ZNF678: variants seen among roughly 807,000 people sequenced by gnomAD.
The protein encoded by ZNF678 is hypothetical protein MGC42493.
A neutral mutation model predicts 3.0 loss-of-function variants in ZNF678; 5 were observed. The ratio of observed to expected loss-of-function variants is 1.69; its 90% CI spans 0.88 to 3.56. The LOEUF is 3.56. ZNF678 is among the 30% of genes most tolerant of loss of function. The probability of loss-of-function intolerance (pLI) is 0.00; values close to 1 mark genes in which losing one functional copy is unlikely to be tolerated. For missense variants in ZNF678, 593 were observed against 605.0 expected, an observed-to-expected ratio of 0.98 and a Z score of 0.21; for synonymous variants, 218 against 199.6, an observed-to-expected ratio of 1.09 and a Z score of -0.78.
intron 1 of ZNF678, among the ~76,000 whole-genome samples, chr1:227,579,585 T>C (rs560753332): frequency 4.6e-5 from 7 of 152,152 alleles, no homozygotes; most frequent in Admixed American, 3.3e-4. Context: ...TGGGGGAAGC[T>C]GCAGTATGGG....
At chr1:227,578,795 G>A (rs1031877015) in intron 1 of ZNF678, among the ~76,000 whole-genome samples, 8 of 152,188 alleles carry the variant, frequency 5.3e-5, no homozygotes, top group African/African-American at 1.7e-4. Flanking sequence ...TGACACAGCC[G>A]TTTGGAGGAA....
At position 227,621,662 on chromosome 1, in the gene ZNF678, G is replaced by A. The variant is rs560347584; in HGVS notation, c.-163-24882G>A. On this transcript the variant is annotated intron_variant, in intron 1 of 3. Transcript: ENST00000343776. The stretch of plus-strand genomic sequence containing the variant: ...TGAGTGTGCCTTTTACTAAAAAAAT[G>A]ATAGGCATTCAAAGGCATTTAGCAA... Among the ~76,000 whole-genome samples the A allele has an allele frequency of 1.3e-5, 2 of 152,300 alleles. 1 individual carries two copies. The highest frequency in any genetic ancestry group is 4.1e-4 in the South Asian group (2 of 4,822).
At chr1:227,640,276 A>C (rs964296225) in intron 1 of ZNF678, among the ~76,000 whole-genome samples, 1 of 152,042 alleles carries the variant, frequency 6.6e-6, no homozygotes, top group African/African-American at 2.4e-5. Context: ...GGTGTAGGAA[A>C]AGAAGTGGAT....
rs572839075 is a variant in ZNF678 at position 227,660,383 on chromosome 1, T to C, written c.*4555T>C. 6.6e-6 allele frequency: 1 copy of C among 152,118 alleles called. No individual in the cohort carries two copies. Among genetic ancestry groups the C allele is most frequent in the South Asian group, 2.1e-4 (1 of 4,828 alleles). 9.4% of individuals were successfully genotyped at this position (152,118 alleles called of 1,614,324 possible). A position where few individuals can be genotyped will look rare whatever the true frequency, so the allele number is the denominator to read the frequency against. ...CCAATTTATGAATAAGGGATAACTT[T>C]TCATTTATTTATGTTTAATTTTATA... On this transcript the variant is annotated 3_prime_UTR_variant, in exon 4 of 4. Coordinates refer to ENST00000343776, the MANE Select transcript of ZNF678 (RefSeq NM_001367909.1).
chr1:227,563,760 T>G (rs762743360), intron 1 of ZNF678, 36 bp downstream of exon 1: 1 of 1,307,624 alleles, frequency 7.6e-7, no homozygotes, highest in East Asian at 5.5e-5. Context: ...AAGATGGCGG[T>G]CCGGCCTCCC....
intron 1 of ZNF678, chr1:227,598,977 G>T: frequency 9.0e-7 from 1 of 1,106,636 alleles, no homozygotes; most frequent in Non-Finnish European, 1.4e-6. Context: ...TTCAAATTCA[G>T]CCAAAACCTT....
intron 1 of ZNF678, among the ~76,000 whole-genome samples, chr1:227,584,805 G>GC (rs1378597081): frequency 6.6e-6 from 1 of 152,216 alleles, no homozygotes; most frequent in African/African-American, 2.4e-5. Context: ...ACCAATTCTT[G>GC]CTGGGGACAG....
In ZNF678 at chr1:227,657,848, A is replaced by G. The variant is rs1285975842; in HGVS notation, c.*2020A>G. 6.6e-6 allele frequency: 1 copy of G among 152,034 alleles called. No homozygotes were observed. The highest frequency in any genetic ancestry group is 1.5e-5 in the Non-Finnish European group (1 of 67,918). 9.4% of individuals were successfully genotyped at this position (152,034 alleles called of 1,614,324 possible). ...AATCTCAAAGATTCTGAAAGTAAAT[A>G]TTTATTCTCTGCTTTGTATTGAATT... On this transcript the variant is annotated 3_prime_UTR_variant, in exon 4 of 4. Coordinates refer to ENST00000343776, the MANE Select transcript of ZNF678 (RefSeq NM_001367909.1).
chr1:227,636,901 A>G (rs1658692990), intron 1 of ZNF678, among the ~76,000 whole-genome samples: 1 of 152,190 alleles, frequency 6.6e-6, no homozygotes, highest in African/African-American at 2.4e-5. Context: ...ATGAGTGTGA[A>G]TGCACTATGT....
chr1:227,601,976 A>G (rs1453189429), intron 1 of ZNF678, among the ~76,000 whole-genome samples: 1 of 152,198 alleles, frequency 6.6e-6, no homozygotes, highest in Non-Finnish European at 1.5e-5. Context: ...AGTCAAGGCT[A>G]TGGGGTTTTC....
intron 1 of ZNF678, among the ~76,000 whole-genome samples, chr1:227,598,108 C>T (rs1292117693): frequency 6.6e-6 from 1 of 152,194 alleles, no homozygotes; most frequent in Non-Finnish European, 1.5e-5. Context: ...TATCCAGATT[C>T]AATTTCTGTT....
intron 1 of ZNF678, among the ~76,000 whole-genome samples, chr1:227,645,609 G>A (rs1658936221): frequency 6.6e-6 from 1 of 152,190 alleles, no homozygotes; most frequent in African/African-American, 2.4e-5. Context: ...AACATAGGCA[G>A]GTGTGGATGC....
intron 1 of ZNF678, among the ~76,000 whole-genome samples, chr1:227,570,178 G>A (rs997345065): frequency 9.2e-5 from 14 of 152,344 alleles, no homozygotes; most frequent in African/African-American, 3.1e-4. Flanking sequence ...TACCAGATGC[G>A]TGGATGAGTG....
At chr1:227,622,172 G>A (rs1395316960) in intron 1 of ZNF678, among the ~76,000 whole-genome samples, 1 of 152,148 alleles carries the variant, frequency 6.6e-6, no homozygotes, top group African/African-American at 2.4e-5. Context: ...TCTGAAGCGT[G>A]GTACTTAGAG....
intron 1 of ZNF678, among the ~76,000 whole-genome samples, chr1:227,568,784 C>T (rs1240040452): frequency 6.6e-6 from 1 of 152,156 alleles, no homozygotes; most frequent in African/African-American, 2.4e-5. Context: ...GAGGCCTGGC[C>T]TTGCAAGGTC....
intron 1 of ZNF678, among the ~76,000 whole-genome samples, chr1:227,594,130 T>G (rs1323206806): frequency 6.6e-6 from 1 of 152,224 alleles, no homozygotes; most frequent in Non-Finnish European, 1.5e-5. Flanking sequence ...ACCTTGGCAG[T>G]GGACTTCATA....
intron 5 of ZNF678, among the ~76,000 whole-genome samples, chr1:227,675,753 T>C (rs1659668838): frequency 1.3e-5 from 2 of 152,158 alleles, no homozygotes; most frequent in Admixed American, 1.3e-4. Flanking sequence ...ACACCTATTA[T>C]GCTGGATAAA....
downstream of ZNF678, among the ~76,000 whole-genome samples, chr1:227,665,136 G>A (rs997242943): frequency 2.0e-5 from 3 of 152,264 alleles, no homozygotes; most frequent in East Asian, 1.9e-4. Flanking sequence ...TGAAGATAAA[G>A]CACAAATTTA....
At position 227,576,887 on chromosome 1, in the gene ZNF678, T is replaced by C. The variant is rs1338377603; in HGVS notation, c.-164+13163T>C. Among the ~76,000 whole-genome samples the C allele has an allele frequency of 3.9e-5, 6 of 152,224 alleles. No homozygotes were observed. In the East Asian group the frequency reaches 1.2e-3, roughly 29 times the overall value. On this transcript the variant is annotated intron_variant, in intron 1 of 3. Coordinates refer to ENST00000343776, the MANE Select transcript of ZNF678 (RefSeq NM_001367909.1). ...TGGCATTTAGTGTTATAATTTTCCA[T>C]CTTAGCACTGCCTTAGCTGTGTCTT...
Sources: gnomAD v4.1 joint callset for allele counts (sites outside exome capture counted in the v4.1 genomes callset) on GRCh38, gnomAD v4.1.1 for gene constraint, MANE v1.5 for transcripts, NCBI Gene and HGNC (gene_info 2026-07-23, HGNC 2026-07-21) for gene names.